DISP1: variants seen among roughly 807,000 people sequenced by gnomAD.
DISP1 encodes dispatched RND transporter family member 1, also known as protein dispatched homolog 1.
Under a neutral mutation model 37.3 loss-of-function variants are expected in DISP1, and 30 were observed. The ratio of observed to expected loss-of-function variants is 0.80; its 90% CI spans 0.60 to 1.09. The LOEUF is 1.09. DISP1 is among the 50% of genes least tolerant of loss of function. DISP1 has a pLI of 0.00. For synonymous variants in DISP1, 634 were observed against 690.2 expected (o/e 0.92, Z 1.28); for missense variants, 1,598 against 1,879.5 (o/e 0.85, Z 2.77).
chr1:222,945,534 G>T (rs1235000429), intron 3 of DISP1, among the ~76,000 whole-genome samples: 1 of 152,200 alleles, frequency 6.6e-6, no homozygotes, highest in Non-Finnish European at 1.5e-5. Context: ...AATTCTTTCA[G>T]TATGGAAGGT....
At chr1:222,951,672 GAGTT>G (rs1675231894) in intron 3 of DISP1, among the ~76,000 whole-genome samples, 1 of 152,204 alleles carries the variant, frequency 6.6e-6, no homozygotes, top group South Asian at 2.1e-4. Flanking sequence ...GAGAAATTCA[GAGTT>G]AGTTATTCAC....
intron 1 of DISP1, among the ~76,000 whole-genome samples, chr1:222,831,230 T>C (rs1665662395): frequency 6.6e-6 from 1 of 152,212 alleles, no homozygotes; most frequent in African/African-American, 2.4e-5. Flanking sequence ...AGCACCATTA[T>C]CTGTTAAGTT....
intron 5 of DISP1, among the ~76,000 whole-genome samples, 193 bp downstream of exon 5, chr1:222,990,941 C>T (rs1678656917): frequency 6.6e-6 from 1 of 152,008 alleles, no homozygotes; most frequent in Admixed American, 6.6e-5. Context: ...ACTTGTTTAC[C>T]CTCAAAAATC....
intron 1 of DISP1, among the ~76,000 whole-genome samples, chr1:222,852,478 A>G (rs1668320919): frequency 6.6e-6 from 1 of 152,094 alleles, no homozygotes; most frequent in Non-Finnish European, 1.5e-5. Context: ...ATGTGCTGGG[A>G]TTACAGGCAT....
In DISP1 at chr1:222,967,181, C is replaced by T. The variant is rs1025984142; in HGVS notation, c.510-15899C>T. Among the ~76,000 whole-genome samples, 3 of 151,982 alleles carry T rather than the reference C, an allele frequency of 2.0e-5. No homozygotes were observed. In the East Asian group the frequency reaches 5.8e-4, roughly 29 times the overall value. ...GTATACATATGTAGAAATATTCCCC[C>T]TTGATGTGAAGATGGCAACATTAAG... On this transcript the variant is annotated intron_variant, in intron 3 of 8. Coordinates refer to ENST00000675850, the MANE Select transcript of DISP1 (RefSeq NM_001377229.1).
At chr1:222,934,710 C>T (rs1673609763) in intron 2 of DISP1, among the ~76,000 whole-genome samples, 2 of 152,106 alleles carry the variant, frequency 1.3e-5, no homozygotes, top group African/African-American at 4.8e-5. Flanking sequence ...ATATACCCAT[C>T]TTTTAATACC....
At chr1:222,959,700 C>CAAAAAAAAAAAAAAAAAAAAAAAAAAA (rs139605919) in intron 3 of DISP1, among the ~76,000 whole-genome samples, 1 of 111,830 alleles carries the variant, frequency 8.9e-6, no homozygotes, top group Non-Finnish European at 1.8e-5. Flanking sequence ...AACTCTGTCT[C>CAAAAAAAAAAAAAAAAAAAAAAAAAAA]AAAAAAAAAA....
chr1:222,959,732 A>G (rs1675901144), intron 3 of DISP1, among the ~76,000 whole-genome samples: 1 of 151,286 alleles, frequency 6.6e-6, no homozygotes, highest in Non-Finnish European at 1.5e-5. Flanking sequence ...AAAAGAAAAG[A>G]AAAAAGAAAA....
intron 2 of DISP1, among the ~76,000 whole-genome samples, chr1:222,932,947 T>C (rs1296792544): frequency 1.3e-5 from 2 of 151,998 alleles, no homozygotes; most frequent in African/African-American, 4.8e-5. Context: ...CTTCATTTTA[T>C]ACCCACATTT....
intron 1 of DISP1, among the ~76,000 whole-genome samples, chr1:222,901,733 G>C (rs1205772873): frequency 6.6e-6 from 1 of 152,060 alleles, no homozygotes; most frequent in Non-Finnish European, 1.5e-5. Context: ...TCACCAATTG[G>C]CCAGGCTGGT....
At chr1:222,905,937 C>G (rs1445961668) in intron 1 of DISP1, among the ~76,000 whole-genome samples, 1 of 152,188 alleles carries the variant, frequency 6.6e-6, no homozygotes, top group Non-Finnish European at 1.5e-5. Context: ...ATAGTGCAAT[C>G]TGTAAAAATA....
intron 3 of DISP1, chr1:222,945,947 A>G (rs1674737881): frequency 6.6e-6 from 1 of 152,214 alleles, no homozygotes; most frequent in African/African-American, 2.4e-5. Context: ...AAGTTATGAG[A>G]GAAATAAAAA....
intron 8 of DISP1, among the ~76,000 whole-genome samples, chr1:223,000,649 TC>T (rs1278205599): frequency 6.6e-6 from 1 of 152,116 alleles, no homozygotes; most frequent in African/African-American, 2.4e-5. Context: ...GACACCCAAT[TC>T]CACAGTCTCA....
At chr1:222,923,882 G>A (rs991878599) in intron 1 of DISP1, among the ~76,000 whole-genome samples, 2 of 152,154 alleles carry the variant, frequency 1.3e-5, no homozygotes, top group African/African-American at 4.8e-5. Flanking sequence ...TGGAATGCTG[G>A]TGAAGTAAAT....
intron 4 of DISP1, among the ~76,000 whole-genome samples, chr1:222,984,417 A>ATATATAT (rs201043580): frequency 0.013 from 1,008 of 76,372 alleles, 43 homozygotes; most frequent in East Asian, 0.057. Context: ...AAAAAAAAAA[A>ATATATAT]AAAAATATAT....
chr1:222,832,202 C>T (rs1188008299), intron 1 of DISP1, among the ~76,000 whole-genome samples: 5 of 152,006 alleles, frequency 3.3e-5, no homozygotes, highest in East Asian at 3.9e-4. Flanking sequence ...ATATGGGAGG[C>T]GGAGGTTGCA....
intron 3 of DISP1, 123 bp from the exon 4 acceptor site, chr1:222,982,957 C>T (rs1677945234): frequency 1.3e-6 from 1 of 754,032 alleles, no homozygotes; most frequent in Non-Finnish European, 2.2e-6. Flanking sequence ...TTTAACACTT[C>T]CAAGATTCTT....
intron 1 of DISP1, among the ~76,000 whole-genome samples, chr1:222,865,479 A>T (rs1195364672): frequency 6.6e-6 from 1 of 152,190 alleles, no homozygotes; most frequent in Admixed American, 6.5e-5. Flanking sequence ...AAATCAGAAC[A>T]TTTAAAGCAC....
chr1:222,820,138 G>A (rs1244219445), intron 1 of DISP1, among the ~76,000 whole-genome samples: 1 of 152,144 alleles, frequency 6.6e-6, no homozygotes, highest in Non-Finnish European at 1.5e-5. Flanking sequence ...GTTAAGTGAA[G>A]CTAATCAAGG....
Sources: allele counts gnomAD v4.1 joint callset (sites outside exome capture counted in the v4.1 genomes callset), GRCh38; gene constraint gnomAD v4.1.1; transcripts MANE v1.5; gene names NCBI Gene and HGNC (gene_info 2026-07-23, HGNC 2026-07-21).